The following ALG6 variants were observed in gnomAD, a reference collection of about 807,000 sequenced individuals.
ALG6 encodes the protein dolichyl pyrophosphate Man9GlcNAc2 alpha-1,3-glucosyltransferase.
A neutral mutation model predicts 66.6 loss-of-function variants in ALG6; 46 were observed. The ratio of observed to expected loss-of-function variants is 0.69; its 90% CI spans 0.55 to 0.88. ALG6 has a LOEUF of 0.88. ALG6 is among the 40% of genes least tolerant of loss of function. The pLI, the probability that ALG6 is intolerant of heterozygous loss-of-function variation, is 0.00. For missense variants in ALG6, 505 were observed against 586.8 expected (o/e 0.86, Z 1.44); for synonymous variants, 185 against 203.7 (o/e 0.91, Z 0.78).
intron 3 of ALG6, among the ~76,000 whole-genome samples, chr1:63,401,621 G>A (rs1644465809): frequency 6.6e-6 from 1 of 151,572 alleles, no homozygotes; most frequent in Non-Finnish European, 1.5e-5. Context: ...AAGTTGCAGT[G>A]AGCCGAGATT....
At chr1:63,400,899 G>A (rs1290090097) in intron 3 of ALG6, among the ~76,000 whole-genome samples, 23 of 152,152 alleles carry the variant, frequency 1.5e-4, no homozygotes, top group Non-Finnish European at 1.5e-5. Flanking sequence ...ATGCTATATA[G>A]TAACATGAAT....
intron 12 of ALG6, among the ~76,000 whole-genome samples, chr1:63,423,024 ATTT>A (rs61279219): frequency 2.8e-5 from 4 of 142,934 alleles, no homozygotes; most frequent in Non-Finnish European, 4.6e-5. Flanking sequence ...GGATAATGCA[ATTT>A]TTTTTTTTTT....
intron 4 of ALG6, 41 bp downstream of exon 4, chr1:63,402,384 C>T: frequency 7.3e-7 from 1 of 1,375,064 alleles, no homozygotes; most frequent in Non-Finnish European, 1.0e-6. Context: ...ATTTTTATGC[C>T]CTTGGCAGAT....
intron 2 of ALG6, 121 bp from the exon 3 acceptor site, chr1:63,396,392 C>T (rs1648826592): frequency 1.2e-6 from 1 of 825,616 alleles, no homozygotes; most frequent in Admixed American, 2.0e-5. Flanking sequence ...TTCTCGGTAA[C>T]TCCTGTGTTC....
At chr1:63,412,135 G>GGGT in intron 9 of ALG6, 74 bp downstream of exon 9, 6 of 1,598,056 alleles carry the variant, frequency 3.8e-6, no homozygotes. Context: ...CATGTAGAAG[G>GGGT]TACAAGGAAT....
Position 63,415,865 on chromosome 1 carries a change from T to C in ALG6, c.903-8T>C, listed in dbSNP as rs748201273. ...AAGACAAATATTTGATTTGTATTAA[T>C]TTTTTAGCTTTTGTTCTACGTTTTT... On this transcript the variant is annotated splice_region_variant and splice_polypyrimidine_tract_variant and intron_variant, in intron 10 of 14. Transcript: ENST00000263440. The C allele has an allele frequency of 3.2e-6, 5 of 1,576,666 alleles. No individual in the cohort carries two copies. In the Admixed American group the frequency reaches 5.0e-5, roughly 16 times the overall value.
chr1:63,424,071 T>C (rs931756965), intron 12 of ALG6, among the ~76,000 whole-genome samples: 6 of 152,246 alleles, frequency 3.9e-5, no homozygotes, highest in Non-Finnish European at 7.3e-5. Flanking sequence ...ACTAATGATA[T>C]TGAACATCTC....
chr1:63,382,775 A>T (rs1415130793), intron 2 of ALG6, among the ~76,000 whole-genome samples: 2 of 148,890 alleles, frequency 1.3e-5, no homozygotes. Context: ...TCCCGGGTTC[A>T]TGCCATTCTC....
chr1:63,424,740 T>C (rs1328758764), intron 12 of ALG6, among the ~76,000 whole-genome samples: 2 of 151,526 alleles, frequency 1.3e-5, no homozygotes, highest in Non-Finnish European at 1.5e-5. Context: ...TGGATTTAGC[T>C]CTTATATTTA....
At chr1:63,398,535 C>T (rs914984366) in intron 3 of ALG6, among the ~76,000 whole-genome samples, 3 of 152,132 alleles carry the variant, frequency 2.0e-5, no homozygotes, top group Non-Finnish European at 4.4e-5. Flanking sequence ...TGCAGTGGCT[C>T]GATCTCGGCT....
At chr1:63,402,875 T>A (rs1311737565) in intron 4 of ALG6, among the ~76,000 whole-genome samples, 2 of 150,764 alleles carry the variant, frequency 1.3e-5, no homozygotes, top group African/African-American at 4.9e-5. Context: ...GGCGGGCGGA[T>A]CACGAGGTCA....
At chr1:63,400,577 A>G (rs748229303) in intron 3 of ALG6, among the ~76,000 whole-genome samples, 1 of 151,632 alleles carries the variant, frequency 6.6e-6, no homozygotes, top group Non-Finnish European at 1.5e-5. Context: ...TATTTTTAGT[A>G]TATATCATTG....
chr1:63,391,529 G>T (rs1244745369), intron 2 of ALG6, among the ~76,000 whole-genome samples: 3 of 152,152 alleles, frequency 2.0e-5, no homozygotes, highest in Non-Finnish European at 4.4e-5. Context: ...AGGATTTTAT[G>T]ATCTGCTTCA....
chr1:63,410,989 T>G, intron 7 of ALG6, 157 bp from the exon 8 acceptor site: 2 of 697,902 alleles, frequency 2.9e-6, no homozygotes, highest in Non-Finnish European at 4.7e-6. Context: ...TGAATTTCTA[T>G]TGGGAAATAG....
chr1:63,386,475 C>G (rs779324929), intron 2 of ALG6, among the ~76,000 whole-genome samples: 2 of 152,078 alleles, frequency 1.3e-5, no homozygotes, highest in African/African-American at 2.4e-5. Context: ...CTTTTAATTA[C>G]TGCTTTGATG....
At chr1:63,430,401 C>G (rs1644639703) in intron 14 of ALG6, among the ~76,000 whole-genome samples, 1 of 152,120 alleles carries the variant, frequency 6.6e-6, no homozygotes, top group African/African-American at 2.4e-5. Flanking sequence ...GTTTTCATTT[C>G]CCTTATGTGT....
At position 63,372,161 on chromosome 1, in the gene ALG6, T is replaced by C. The variant is rs1324313507; in HGVS notation, c.82+1102T>C. ...CAGAGCATGGTTATTATAAGTATTG[T>C]ATTTGAGTTGCATGAAACATAGGAA... On this transcript the variant is annotated intron_variant, in intron 2 of 14. Coordinates refer to ENST00000263440, the MANE Select transcript of ALG6 (RefSeq NM_013339.4). Among the ~76,000 whole-genome samples the C allele has an allele frequency of 2.6e-5, 4 of 152,174 alleles. No homozygotes were observed. The East Asian group carries it at 7.7e-4, about 29-fold the overall frequency.
At chr1:63,373,491 A>T (rs1648004923) in intron 2 of ALG6, among the ~76,000 whole-genome samples, 1 of 151,264 alleles carries the variant, frequency 6.6e-6, no homozygotes, top group Admixed American at 6.6e-5. Flanking sequence ...GCTGCTGGGG[A>T]GGCTGAGGCA....
chr1:63,399,193 T>C (rs1481047414), intron 3 of ALG6, among the ~76,000 whole-genome samples: 1 of 152,252 alleles, frequency 6.6e-6, no homozygotes, highest in Non-Finnish European at 1.5e-5. Flanking sequence ...TGTTGCTATG[T>C]GGCTTCTCCA....
Sources: gnomAD v4.1 joint callset for allele counts (sites outside exome capture counted in the v4.1 genomes callset) on GRCh38, gnomAD v4.1.1 for gene constraint, MANE v1.5 for transcripts, NCBI Gene and HGNC (gene_info 2026-07-23, HGNC 2026-07-21) for gene names.